Variants in TGFB2 observed in about 807,000 individuals in gnomAD.
TGFB2 encodes transforming growth factor beta-2 proprotein.
TGFB2 carries 13 observed loss-of-function variants against 42.7 expected under a neutral mutation model. That is an observed-to-expected ratio of 0.30 (90% CI 0.20 to 0.48). TGFB2 has a LOEUF of 0.48. TGFB2 is among the 20% of genes least tolerant of loss of function. The pLI, the probability that TGFB2 is intolerant of heterozygous loss-of-function variation, is 0.99. For missense variants in TGFB2, 390 were observed against 517.5 expected (o/e 0.75, Z 2.39); for synonymous variants, 193 against 193.6 (o/e 1.00, Z 0.03).
chr1:218,373,980 T>G (rs924215673), intron 1 of TGFB2, among the ~76,000 whole-genome samples: 3 of 152,248 alleles, frequency 2.0e-5, no homozygotes, highest in African/African-American at 7.2e-5. Context: ...TCATGCATGC[T>G]CTTCATGTTC....
intron 2 of TGFB2, among the ~76,000 whole-genome samples, chr1:218,426,895 G>T (rs955162163): frequency 2.0e-5 from 3 of 152,084 alleles, no homozygotes; most frequent in Non-Finnish European, 4.4e-5. Context: ...CTTTGACATG[G>T]ATGTGCCAAT....
At chr1:218,375,941 A>G (rs975884819) in intron 1 of TGFB2, among the ~76,000 whole-genome samples, 1 of 152,172 alleles carries the variant, frequency 6.6e-6, no homozygotes, top group Non-Finnish European at 1.5e-5. Flanking sequence ...AAAATATGGG[A>G]TATCTATAAT....
chr1:218,363,651 G>A (rs1657290850), intron 1 of TGFB2, among the ~76,000 whole-genome samples: 1 of 152,180 alleles, frequency 6.6e-6, no homozygotes, highest in Non-Finnish European at 1.5e-5. Context: ...GTAAAAGAAT[G>A]ACTTGTGGGG....
intron 2 of TGFB2, among the ~76,000 whole-genome samples, chr1:218,429,556 T>C (rs1659736800): frequency 6.6e-6 from 1 of 152,220 alleles, no homozygotes. Flanking sequence ...CTATGAACAT[T>C]GATGTATAAG....
At chr1:218,376,195 A>G (rs1394626316) in intron 1 of TGFB2, among the ~76,000 whole-genome samples, 1 of 152,214 alleles carries the variant, frequency 6.6e-6, no homozygotes, top group African/African-American at 2.4e-5. Context: ...AGAATTTAAA[A>G]TATTGTTAGA....
chr1:218,411,211 T>C (rs1010222561), intron 2 of TGFB2, among the ~76,000 whole-genome samples: 1 of 152,206 alleles, frequency 6.6e-6, no homozygotes, highest in African/African-American at 2.4e-5. Context: ...GGTTATCTAT[T>C]TGCTGCACAA....
intron 1 of TGFB2, among the ~76,000 whole-genome samples, chr1:218,362,141 A>G (rs1395673364): frequency 6.6e-6 from 1 of 152,218 alleles, no homozygotes; most frequent in East Asian, 1.9e-4. Flanking sequence ...AAATCAAGTG[A>G]TAAGAGGCAC....
chr1:218,376,219 G>A (rs921274129), intron 1 of TGFB2, among the ~76,000 whole-genome samples: 1 of 152,190 alleles, frequency 6.6e-6, no homozygotes. Context: ...GAATAAGGCA[G>A]AATGACATTC....
intron 1 of TGFB2, among the ~76,000 whole-genome samples, chr1:218,377,306 T>A (rs1221517755): frequency 6.6e-6 from 1 of 152,218 alleles, no homozygotes; most frequent in Non-Finnish European, 1.5e-5. Context: ...CTTTAGCTGG[T>A]ACAGGACAGA....
chr1:218,430,877 G>T (rs1294944795), intron 2 of TGFB2, among the ~76,000 whole-genome samples: 2 of 152,190 alleles, frequency 1.3e-5, no homozygotes, highest in Admixed American at 6.5e-5. Flanking sequence ...ATGGTCTAAA[G>T]GAACTGGGTT....
At chr1:218,404,051 CAAAA>C (rs35450089) in intron 1 of TGFB2, among the ~76,000 whole-genome samples, 6 of 99,764 alleles carry the variant, frequency 6.0e-5, no homozygotes, top group Admixed American at 1.1e-4. Context: ...TGGCAGATTA[CAAAA>C]AAAAAAAAAA....
chr1:218,386,344 A>C (rs1303044721), intron 1 of TGFB2, among the ~76,000 whole-genome samples: 3 of 152,224 alleles, frequency 2.0e-5, no homozygotes, highest in Admixed American at 6.5e-5. Flanking sequence ...AGTAGGCACT[A>C]TCAATAAGAT....
chr1:218,363,405 T>C, intron 1 of TGFB2: 1 of 1,613,794 alleles, frequency 6.2e-7, no homozygotes, highest in Non-Finnish European at 8.5e-7. Flanking sequence ...CCAGGTGCTC[T>C]GTGGGTACCT....
intron 2 of TGFB2, 74 bp from the exon 3 acceptor site, chr1:218,434,006 ACT>A: frequency 6.4e-7 from 1 of 1,570,168 alleles, no homozygotes; most frequent in Non-Finnish European, 8.7e-7. Context: ...GAATTAGAAC[ACT>A]GTTAATAGTT....
At chr1:218,363,456 G>A (rs796648104) in intron 1 of TGFB2, 4 of 1,565,784 alleles carry the variant, frequency 2.6e-6, no homozygotes, top group East Asian at 2.3e-5. Context: ...GTTTGACATA[G>A]TTATATCAAA....
intron 2 of TGFB2, among the ~76,000 whole-genome samples, chr1:218,429,067 G>A (rs958241276): frequency 4.5e-5 from 6 of 134,224 alleles, no homozygotes; most frequent in Middle Eastern, 4.4e-3. Flanking sequence ...TGCAACCTCC[G>A]CCTCCTGGGC....
intron 1 of TGFB2, among the ~76,000 whole-genome samples, chr1:218,388,834 G>C (rs1024431125): frequency 3.3e-5 from 5 of 152,198 alleles, no homozygotes; most frequent in Non-Finnish European, 7.3e-5. Context: ...ATCAGTGCCA[G>C]TTGAAAAGGC....
intron 1 of TGFB2, among the ~76,000 whole-genome samples, chr1:218,395,618 T>C (rs1348600244): frequency 6.6e-6 from 1 of 150,738 alleles, no homozygotes; most frequent in African/African-American, 2.4e-5. Context: ...TTTCTTTTTT[T>C]TTTTTTTTGT....
Position 218,352,131 on chromosome 1 carries a change from CA to C in TGFB2, c.346+5085del, listed in dbSNP as rs1656887819. 4.6e-5 allele frequency among the ~76,000 whole-genome samples: 7 copies of C among 151,174 alleles called. No individual in the cohort carries two copies. In the South Asian group the frequency reaches 1.5e-3, roughly 32 times the overall value. ...CCCTGCCCCTTGCCCACAGCACCCC[CA>C]CCCCACCCCGCCCCATTATAGGTTC... is the stretch of plus-strand genomic sequence containing the variant. On this transcript the variant is annotated intron_variant, in intron 1 of 6. Transcript: ENST00000366930.
Sources: allele counts gnomAD v4.1 joint callset (sites outside exome capture counted in the v4.1 genomes callset), GRCh38; gene constraint gnomAD v4.1.1; transcripts MANE v1.5; gene names NCBI Gene and HGNC (gene_info 2026-07-23, HGNC 2026-07-21).